Variants in ADGRB1 observed in about 807,000 individuals in gnomAD.
ADGRB1 encodes the protein adhesion G protein-coupled receptor B1.
Under a neutral mutation model 175.7 loss-of-function variants are expected in ADGRB1, and 36 were observed. The observed-to-expected ratio is 0.20, with a 90% CI of 0.16 to 0.27. ADGRB1 has a LOEUF of 0.27. Among genes scored for constraint, ADGRB1 ranks in the 10% least tolerant of loss-of-function variants. ADGRB1 has a pLI of 1.00. For missense variants in ADGRB1, 1,731 were observed against 2,255.3 expected (o/e 0.77, Z 4.71); for synonymous variants, 1,054 against 979.4 (o/e 1.08, Z -1.42).
chr8:142,501,389 G>C (rs1164009149), intron 17 of ADGRB1, among the ~76,000 whole-genome samples: 1 of 151,684 alleles, frequency 6.6e-6, no homozygotes, highest in Non-Finnish European at 1.5e-5. Flanking sequence ...GTGTGGTTTT[G>C]ATGATGGAGG....
chr8:142,524,949 T>A (rs1464199545), intron 23 of ADGRB1, among the ~76,000 whole-genome samples: 3 of 152,034 alleles, frequency 2.0e-5, no homozygotes, highest in African/African-American at 7.2e-5. Flanking sequence ...CCCCCACCTC[T>A]CTACTCTGGC....
chr8:142,514,609 C>A lies in ADGRB1; in HGVS notation c.2818-3529C>A, dbSNP rs9694195. 3.9e-5 allele frequency among the ~76,000 whole-genome samples: 6 copies of A among 152,190 alleles called. No homozygotes were observed. The South Asian group carries it at 1.2e-3, about 32-fold the overall frequency. On this transcript the variant is annotated intron_variant, in intron 18 of 30. Transcript: ENST00000517894. ...TGTATTGGAAGGTTGTGACCAGGGTCACAGTTCATTTGCAACCAGGTTTGG... is the reference window on the plus strand; with the variant it reads ...TGTATTGGAAGGTTGTGACCAGGGTAACAGTTCATTTGCAACCAGGTTTGG...
intron 18 of ADGRB1, among the ~76,000 whole-genome samples, chr8:142,514,348 C>T (rs910724137): frequency 3.9e-5 from 6 of 152,000 alleles, no homozygotes; most frequent in East Asian, 1.9e-4. Context: ...GCCAGGGTGT[C>T]GGCGCAGATG....
chr8:142,469,658 A>C (rs530356925), intron 2 of ADGRB1, among the ~76,000 whole-genome samples: 119 of 141,368 alleles, frequency 8.4e-4, no homozygotes, highest in African/African-American at 3.1e-3. Context: ...TGTGAACGCA[A>C]GTGCGTGTGT....
At chr8:142,536,022 G>C (rs1844903712) in intron 25 of ADGRB1, among the ~76,000 whole-genome samples, 1 of 152,138 alleles carries the variant, frequency 6.6e-6, no homozygotes, top group African/African-American at 2.4e-5. Flanking sequence ...GGGGTGGGCT[G>C]GGTGTGCTCA....
At chr8:142,479,940 C>T (rs111243471) in intron 9 of ADGRB1, 146 bp downstream of exon 9, 22 of 845,250 alleles carry the variant, frequency 2.6e-5, no homozygotes, top group South Asian at 2.1e-4. Flanking sequence ...GGTGGGGCCG[C>T]GAGCCCAGGG....
chr8:142,525,088 C>T (rs1254123026), intron 23 of ADGRB1, among the ~76,000 whole-genome samples: 1 of 152,098 alleles, frequency 6.6e-6, no homozygotes, highest in African/African-American at 2.4e-5. Context: ...CTAGTGGGGA[C>T]TCAGGCACAG....
At chr8:142,461,740 T>C (rs1043285752) in intron 1 of ADGRB1, among the ~76,000 whole-genome samples, 1 of 152,080 alleles carries the variant, frequency 6.6e-6, no homozygotes, top group Non-Finnish European at 1.5e-5. Flanking sequence ...AGGTGGTGCA[T>C]CTGGGGCTGA....
Position 142,510,915 on chromosome 8 carries a change from G to T in ADGRB1, c.2676-17G>T. On this transcript the variant is annotated splice_polypyrimidine_tract_variant and intron_variant, in intron 17 of 30. Transcript: ENST00000517894. This position sits in a 1 kb window ranked among gnomAD's most constrained non-coding sequence, Gnocchi z 6.3. Reference sequence around the variant, plus strand: ...GACGCTCCGCCTGTCTCCCTCCCGTGTCCCGCCCGCCCCCAGACCCTCCTC... The same window carrying T: ...GACGCTCCGCCTGTCTCCCTCCCGTTTCCCGCCCGCCCCCAGACCCTCCTC... 3 of 1,061,612 alleles carry T rather than the reference G, an allele frequency of 2.8e-6. No individual in the cohort carries two copies. The highest frequency in any genetic ancestry group is 2.3e-6 in the Non-Finnish European group (2 of 868,632). 65.8% of individuals were successfully genotyped at this position (1,061,612 alleles called of 1,614,324 possible). A position where few individuals can be genotyped will look rare whatever the true frequency, so the allele number is the denominator to read the frequency against.
intron 1 of ADGRB1, among the ~76,000 whole-genome samples, chr8:142,451,400 G>T (rs1482101180): frequency 6.6e-6 from 1 of 152,158 alleles, no homozygotes; most frequent in Non-Finnish European, 1.5e-5. Context: ...GGGACCCGAA[G>T]AGCCCTAAGC....
chr8:142,464,213 C>T lies in ADGRB1; in HGVS notation c.15C>T (p.Ala5=), dbSNP rs1275578456. 2.3e-6 allele frequency: 3 copies of T among 1,290,694 alleles called. No individual in the cohort carries two copies. The highest frequency in any genetic ancestry group is 2.9e-6 in the Non-Finnish European group (3 of 1,025,546). The allele number at this position is 1,290,694 out of a possible 1,614,324, so 80.0% of individuals were successfully genotyped here. Residue 5 remains alanine (A), a synonymous_variant, in exon 2 of 31, where the codon GCC becomes GCT. Coordinates refer to ENST00000517894, the MANE Select transcript of ADGRB1 (RefSeq NM_001702.3). ...CGCGAGCTAGGATGAGGGGCCAGGC[C>T]GCCGCCCCGGGCCCCGTCTGGATCC... The part of the protein sequence containing the change: MRGQ[A]AAPGPVWILA...
rs973033848 is a variant in ADGRB1 at position 142,464,816 on chromosome 8, C to T, written c.618C>T (p.Cys206=). ...CCGGTAGTCGCAGCTCGCACCCCTG[C>T]GGGATCATGCAGACCCCCTGCGCCT... The part of the protein sequence containing the change: ...CLAGSRSSHP[C]GIMQTPCACL... Residue 206 remains cysteine (C), a synonymous_variant, in exon 2 of 31, where the codon TGC becomes TGT. Coordinates refer to ENST00000517894, the MANE Select transcript of ADGRB1 (RefSeq NM_001702.3). The T allele has an allele frequency of 2.0e-6, 3 of 1,534,284 alleles. No individual in the cohort carries two copies. The highest frequency in any genetic ancestry group is 2.5e-5 in the East Asian group (1 of 40,558).
At position 142,524,253 on chromosome 8, in the gene ADGRB1, G is replaced by A. The variant is rs962763486; in HGVS notation, c.3261G>A (p.Leu1087=). 5.6e-6 allele frequency: 9 copies of A among 1,600,490 alleles called. No homozygotes were observed. The highest frequency in any genetic ancestry group is 1.1e-5 in the South Asian group (1 of 90,396). Reference sequence around the variant, plus strand: ...TCCTCCCCAGCTGCTGGCTCTCCCTGGAGGGGGGACTGCTCTATGCCTTCG... The same window carrying A: ...TCCTCCCCAGCTGCTGGCTCTCCCTAGAGGGGGGACTGCTCTATGCCTTCG... ...YSTMNYCWLS[L]EGGLLYAFVG... is the part of the protein sequence containing the mutation. The change falls in exon 23 of 31, where the codon CTG becomes CTA. Residue 1087 remains leucine (L), a synonymous_variant. Coordinates refer to ENST00000517894, the MANE Select transcript of ADGRB1 (RefSeq NM_001702.3).
Position 142,464,202 on chromosome 8 carries a change from A to G in ADGRB1, c.4A>G (p.Arg2Gly). 7.8e-7 allele frequency: 1 copy of G among 1,276,362 alleles called. No individual in the cohort carries two copies. The highest frequency in any genetic ancestry group is 3.2e-5 in the East Asian group (1 of 31,204). 79.1% of individuals were successfully genotyped at this position (1,276,362 alleles called of 1,614,324 possible). Residue 2 changes from arginine (R) to glycine (G), a missense_variant, in exon 2 of 31, where the codon AGG becomes GGG. Physicochemically the swap from Arg to Gly is moderately radical, Grantham distance 125 (BLOSUM62 -2). Coordinates refer to ENST00000517894, the MANE Select transcript of ADGRB1 (RefSeq NM_001702.3). ...CCCGGCGGCCCCGCGAGCTAGGATG[A>G]GGGGCCAGGCCGCCGCCCCGGGCCC... is the stretch of plus-strand genomic sequence containing the variant. MRGQAAAPGPVW... is the reference protein window; with the variant it reads MGGQAAAPGPVW...
At chr8:142,468,364 G>T (rs79517895) in intron 2 of ADGRB1, among the ~76,000 whole-genome samples, 19,336 of 152,222 alleles carry the variant, frequency 0.13, 1,554 homozygotes, top group Admixed American at 0.24. Flanking sequence ...CGTTGGTCTT[G>T]TGGAAAGACG....
rs930073124 is a variant in ADGRB1, at chr8:142,492,440, G to A, written c.2675+1625G>A. Among the ~76,000 whole-genome samples, 4 of 152,172 alleles carry A rather than the reference G, an allele frequency of 2.6e-5. No homozygotes were observed. Among genetic ancestry groups the A allele is most frequent in the South Asian group, 2.1e-4 (1 of 4,832 alleles). On this transcript the variant is annotated intron_variant, in intron 17 of 30. Coordinates refer to ENST00000517894, the MANE Select transcript of ADGRB1 (RefSeq NM_001702.3). This position sits in a 1 kb window ranked among gnomAD's most constrained non-coding sequence, Gnocchi z 4.4. ...AGGGAAGCTAGCAGGGTCTGGATGC[G>A]GGTGGGGAGGGGCCTTTGCAAGCAG...
rs556003391 is a variant in ADGRB1 at position 142,538,327 on chromosome 8, G to A, written c.3667-1047G>A. On this transcript the variant is annotated intron_variant, in intron 26 of 30. Coordinates refer to ENST00000517894, the MANE Select transcript of ADGRB1 (RefSeq NM_001702.3). ...CTCAGCAGATGGCATGTCCAGCCCC[G>A]GGTGAGGGTGAGGTCCTTCAGTGAG... 2.6e-5 allele frequency among the ~76,000 whole-genome samples: 4 copies of A among 152,300 alleles called. No individual in the cohort carries two copies. In the South Asian group the frequency reaches 6.2e-4, roughly 24 times the overall value.
chr8:142,465,884 G>C (rs564742653), intron 2 of ADGRB1, among the ~76,000 whole-genome samples: 1 of 152,280 alleles, frequency 6.6e-6, no homozygotes, highest in East Asian at 1.9e-4. Flanking sequence ...GAGGGGCAGG[G>C]GCCAGTCCTG....
Position 142,542,112 on chromosome 8 carries a change from G to T in ADGRB1, c.3878G>T (p.Arg1293Leu), listed in dbSNP as rs772971707. 6.2e-7 allele frequency: 1 copy of T among 1,613,274 alleles called. No homozygotes were observed. The highest frequency in any genetic ancestry group is 1.3e-5 in the African/African-American group (1 of 74,916). The change falls in exon 28 of 31, where the codon CGC becomes CTC. Residue 1293 changes from arginine (R) to leucine (L), a missense_variant. By Grantham distance (102) the Arg-to-Leu change is moderately radical (BLOSUM62 -2). Coordinates refer to ENST00000517894, the MANE Select transcript of ADGRB1 (RefSeq NM_001702.3). This position sits in a 1 kb window ranked among gnomAD's most constrained non-coding sequence, Gnocchi z 6.3. ...VSKLHLHGSP[R>L]YPGGPLPDFP... ...AAGCTGCACCTGCACGGCTCACCCCGCTATCCCGGCGGGCCCCTGCCCGAC... is the reference window on the plus strand; with the variant it reads ...AAGCTGCACCTGCACGGCTCACCCCTCTATCCCGGCGGGCCCCTGCCCGAC...
Sources: allele counts gnomAD v4.1 joint callset (sites outside exome capture counted in the v4.1 genomes callset), GRCh38; gene constraint gnomAD v4.1.1; non-coding constraint Gnocchi (gnomAD v3.1); transcripts MANE v1.5; gene names NCBI Gene and HGNC (gene_info 2026-07-23, HGNC 2026-07-21).